Variants in CSGALNACT1 observed in about 807,000 individuals in gnomAD.
CSGALNACT1 encodes chondroitin sulfate N-acetylgalactosaminyltransferase 1, also known as beta4GalNAcT-1.
A neutral mutation model predicts 51.0 loss-of-function variants in CSGALNACT1; 52 were observed. That is an observed-to-expected ratio of 1.02 (90% CI 0.82 to 1.29). The LOEUF is 1.29. Among genes scored for constraint, CSGALNACT1 ranks in the 50% most tolerant of loss-of-function variants. CSGALNACT1 has a pLI of 0.00. For missense variants in CSGALNACT1, 935 were observed against 679.2 expected (o/e 1.38, Z -4.19); for synonymous variants, 341 against 254.4 (o/e 1.34, Z -3.24).
intron 5 of CSGALNACT1, among the ~76,000 whole-genome samples, chr8:19,445,436 T>C (rs919054495): frequency 6.6e-6 from 1 of 152,216 alleles, no homozygotes; most frequent in African/African-American, 2.4e-5. Context: ...TTCAAAGAAC[T>C]TCCTGTTTTT....
At chr8:19,439,741 A>T in intron 6 of CSGALNACT1, 89 bp downstream of exon 5, 1 of 1,021,734 alleles carries the variant, frequency 9.8e-7, no homozygotes. Context: ...TGTAAAGGAA[A>T]ATAAAATTAA....
At chr8:19,684,307 A>C (rs1001105013), upstream of CSGALNACT1, among the ~76,000 whole-genome samples, 4 of 152,208 alleles carry the variant, frequency 2.6e-5, no homozygotes, top group Non-Finnish European at 5.9e-5. Context: ...ATTTCAAATC[A>C]ATGGGAAAAG....
At chr8:19,608,322 C>A (rs1324904498) in intron 1 of CSGALNACT1, among the ~76,000 whole-genome samples, 1 of 152,154 alleles carries the variant, frequency 6.6e-6, no homozygotes, top group Non-Finnish European at 1.5e-5. Flanking sequence ...TCCAACACAA[C>A]AATGGAAGTA....
chr8:19,624,855 T>C (rs2054253605), intron 1 of CSGALNACT1, among the ~76,000 whole-genome samples: 1 of 152,066 alleles, frequency 6.6e-6, no homozygotes, highest in Non-Finnish European at 1.5e-5. Context: ...ATTTTTCTAT[T>C]TTTAGTAGAA....
intron 3 of CSGALNACT1, among the ~76,000 whole-genome samples, chr8:19,551,449 C>T (rs372278189): frequency 4.6e-5 from 7 of 152,320 alleles, no homozygotes; most frequent in African/African-American, 1.7e-4. Context: ...AAATCTCTCC[C>T]TCAATTGGGT....
At chr8:19,495,310 G>A (rs1398799661) in intron 4 of CSGALNACT1, 1 of 152,186 alleles carries the variant, frequency 6.6e-6, no homozygotes, top group Admixed American at 6.5e-5. Context: ...TTACAAATGG[G>A]TCCTGTTCCA....
At chr8:19,532,607 C>A (rs1238614608) in intron 3 of CSGALNACT1, among the ~76,000 whole-genome samples, 1 of 152,186 alleles carries the variant, frequency 6.6e-6, no homozygotes, top group African/African-American at 2.4e-5. Context: ...AGTCCTCACA[C>A]TGACCCTCAA....
chr8:19,535,770 A>C (rs1298159197), intron 3 of CSGALNACT1, among the ~76,000 whole-genome samples: 3 of 152,168 alleles, frequency 2.0e-5, no homozygotes, highest in Non-Finnish European at 4.4e-5. Flanking sequence ...CATTTGAAAA[A>C]CTTCAACATC....
At chr8:19,718,028 G>GGCCTCT (rs1416593834) in intron 1 of CSGALNACT1, among the ~76,000 whole-genome samples, 1 of 152,116 alleles carries the variant, frequency 6.6e-6, no homozygotes, top group Non-Finnish European at 1.5e-5. Flanking sequence ...CATGGGCTGG[G>GGCCTCT]GCCTCTGCAG....
chr8:19,745,460 T>C (rs963801780), intron 1 of CSGALNACT1, among the ~76,000 whole-genome samples: 16 of 152,196 alleles, frequency 1.1e-4, no homozygotes, highest in Admixed American at 1.3e-4. Flanking sequence ...CTTGTGCCCC[T>C]AAAGAAACTC....
intron 2 of CSGALNACT1, among the ~76,000 whole-genome samples, chr8:19,592,968 T>C (rs2048150289): frequency 6.6e-6 from 1 of 152,236 alleles, no homozygotes; most frequent in South Asian, 2.1e-4. Flanking sequence ...GCTTTTTGAC[T>C]TACAATATTT....
At chr8:19,670,873 T>C (rs1229772305) in intron 1 of CSGALNACT1, among the ~76,000 whole-genome samples, 1 of 152,174 alleles carries the variant, frequency 6.6e-6, no homozygotes, top group African/African-American at 2.4e-5. Context: ...ATGACTCCCC[T>C]GAAGCCCAGC....
intron 3 of CSGALNACT1, among the ~76,000 whole-genome samples, chr8:19,556,999 T>C (rs548814570): frequency 1.4e-5 from 2 of 146,650 alleles, no homozygotes; most frequent in African/African-American, 2.5e-5. Context: ...AAAAAAAAAG[T>C]CTTCAACCTC....
upstream of CSGALNACT1, among the ~76,000 whole-genome samples, chr8:19,685,757 G>A (rs1368829826): frequency 6.6e-6 from 1 of 152,176 alleles, no homozygotes; most frequent in Non-Finnish European, 1.5e-5. Flanking sequence ...AATCTGACAG[G>A]CAGGTATTTC....
intron 1 of CSGALNACT1, among the ~76,000 whole-genome samples, chr8:19,617,199 G>A (rs573001461): frequency 1.6e-4 from 24 of 152,156 alleles, no homozygotes; most frequent in African/African-American, 5.3e-4. Flanking sequence ...ATCTAATGTC[G>A]CCAATTATCT....
At chr8:19,725,647 A>T (rs1182763766) in intron 1 of CSGALNACT1, among the ~76,000 whole-genome samples, 7 of 151,264 alleles carry the variant, frequency 4.6e-5, no homozygotes, top group African/African-American at 1.7e-4. Flanking sequence ...CTGGTTTCGA[A>T]CTCCTGACCT....
At chr8:19,417,583 C>T (rs918195344) in intron 8 of CSGALNACT1, among the ~76,000 whole-genome samples, 19 of 152,200 alleles carry the variant, frequency 1.2e-4, no homozygotes, top group Non-Finnish European at 2.6e-4. Flanking sequence ...CTGGTGCTAT[C>T]GTGTCTTCAG....
chr8:19,548,278 C>T (rs1256420629), intron 3 of CSGALNACT1, among the ~76,000 whole-genome samples: 1 of 152,120 alleles, frequency 6.6e-6, no homozygotes, highest in African/African-American at 2.4e-5. Flanking sequence ...AAGTTAGACA[C>T]TAAAATTGCT....
At chr8:19,604,125 G>T (rs2051005712), upstream of CSGALNACT1, among the ~76,000 whole-genome samples, 1 of 152,156 alleles carries the variant, frequency 6.6e-6, no homozygotes, top group Non-Finnish European at 1.5e-5. Context: ...TTCCTCCAGA[G>T]AAGAGTCATC....
Sources: gnomAD v4.1 joint callset for allele counts (sites outside exome capture counted in the v4.1 genomes callset) on GRCh38, gnomAD v4.1.1 for gene constraint, MANE v1.5 for transcripts, NCBI Gene and HGNC (gene_info 2026-07-23, HGNC 2026-07-21) for gene names.